The following LHCGR variants were observed in gnomAD, a reference collection of about 807,000 sequenced individuals.
LHCGR encodes lutropin-choriogonadotropic hormone receptor.
LHCGR carries 55 observed loss-of-function variants against 60.7 expected under a neutral mutation model. That is an observed-to-expected ratio of 0.91 (90% confidence interval 0.73 to 1.13). LHCGR has a LOEUF of 1.13. LHCGR is among the 50% of genes most tolerant of loss of function. LHCGR has a pLI of 0.00. For missense variants in LHCGR, 862 were observed against 836.0 expected, an observed-to-expected ratio of 1.03 and a Z score of -0.38; for synonymous variants, 337 against 316.5, an observed-to-expected ratio of 1.06 and a Z score of -0.69.
At chr2:48,743,684 G>A (rs1310460205) in intron 1 of LHCGR, among the ~76,000 whole-genome samples, 132 of 152,108 alleles carry the variant, frequency 8.7e-4, no homozygotes, top group African/African-American at 3.1e-3. Flanking sequence ...GGTATTGATG[G>A]GACGTATCTC....
intron 1 of LHCGR, among the ~76,000 whole-genome samples, chr2:48,742,918 A>G (rs1262207088): frequency 6.6e-6 from 1 of 152,206 alleles, no homozygotes; most frequent in African/African-American, 2.4e-5. Context: ...GTTTTTTGAA[A>G]GGATCAACAA....
At chr2:48,750,316 G>A (rs758286861) in intron 1 of LHCGR, among the ~76,000 whole-genome samples, 11 of 152,144 alleles carry the variant, frequency 7.2e-5, no homozygotes, top group Admixed American at 3.3e-4. Flanking sequence ...CTTTCAGTTT[G>A]TTTTTATTAA....
At chr2:48,714,549 A>G (rs1310259779) in intron 6 of LHCGR, among the ~76,000 whole-genome samples, 1 of 152,018 alleles carries the variant, frequency 6.6e-6, no homozygotes, top group Non-Finnish European at 1.5e-5. Context: ...TCCACAACCA[A>G]GAAGATTTCA....
intron 1 of LHCGR, among the ~76,000 whole-genome samples, chr2:48,742,717 C>T (rs1669516423): frequency 6.6e-6 from 1 of 152,038 alleles, no homozygotes; most frequent in Non-Finnish European, 1.5e-5. Flanking sequence ...ATTTTTAGCA[C>T]TAAATGCCCA....
At chr2:48,727,621 T>C (rs1171686586) in intron 3 of LHCGR, among the ~76,000 whole-genome samples, 1 of 152,230 alleles carries the variant, frequency 6.6e-6, no homozygotes, top group African/African-American at 2.4e-5. Context: ...TTTCCAGGTC[T>C]GGGATAGGAC....
At chr2:48,709,443 T>C (rs969222108) in intron 7 of LHCGR, among the ~76,000 whole-genome samples, 1 of 152,194 alleles carries the variant, frequency 6.6e-6, no homozygotes, top group African/African-American at 2.4e-5. Flanking sequence ...AGTGTGCTAA[T>C]AGTAATTTAT....
intron 6 of LHCGR, among the ~76,000 whole-genome samples, chr2:48,719,045 G>A (rs972468948): frequency 1.3e-5 from 2 of 152,204 alleles, no homozygotes; most frequent in South Asian, 2.1e-4. Context: ...ATTCTAGGCC[G>A]GGCATGGTGG....
intron 1 of LHCGR, among the ~76,000 whole-genome samples, chr2:48,738,575 T>C (rs1413999744): frequency 6.6e-6 from 1 of 152,168 alleles, no homozygotes; most frequent in Non-Finnish European, 1.5e-5. Flanking sequence ...CATTCAAGGC[T>C]CAATCTTTAT....
At chr2:48,748,805 C>T (rs1319056022) in intron 1 of LHCGR, among the ~76,000 whole-genome samples, 1 of 152,144 alleles carries the variant, frequency 6.6e-6, no homozygotes, top group Non-Finnish European at 1.5e-5. Context: ...ATCATCATGT[C>T]CCTTTTACAG....
At chr2:48,747,153 G>C (rs1325288670) in intron 1 of LHCGR, among the ~76,000 whole-genome samples, 3 of 151,644 alleles carry the variant, frequency 2.0e-5, no homozygotes, top group Non-Finnish European at 4.4e-5. Context: ...GCAGTGGTGC[G>C]ATCTCGGTTC....
intron 1 of LHCGR, among the ~76,000 whole-genome samples, chr2:48,732,109 G>A (rs1333862484): frequency 1.3e-5 from 2 of 152,182 alleles, no homozygotes; most frequent in Non-Finnish European, 2.9e-5. Flanking sequence ...TGCAAAACCA[G>A]TATAGGATGA....
At chr2:48,708,533 T>G (rs1667810588) in intron 8 of LHCGR, among the ~76,000 whole-genome samples, 1 of 126,610 alleles carries the variant, frequency 7.9e-6, no homozygotes, top group Non-Finnish European at 1.6e-5. Context: ...AAAGGGGCAA[T>G]TTGGAGATAC....
chr2:48,692,805 G>A (rs1353408799), intron 10 of LHCGR, among the ~76,000 whole-genome samples: 1 of 152,172 alleles, frequency 6.6e-6, no homozygotes, highest in South Asian at 2.1e-4. Flanking sequence ...GCTATCTGGT[G>A]GGAAGTAGGA....
At chr2:48,705,954 T>C (rs1667644987) in intron 8 of LHCGR, among the ~76,000 whole-genome samples, 2 of 152,210 alleles carry the variant, frequency 1.3e-5, no homozygotes, top group Non-Finnish European at 2.9e-5. Context: ...AGCTGGTTAT[T>C]TTGCCTGTTA....
chr2:48,745,892 G>T (rs1456400702), intron 1 of LHCGR, among the ~76,000 whole-genome samples: 1 of 151,370 alleles, frequency 6.6e-6, no homozygotes, highest in African/African-American at 2.4e-5. Flanking sequence ...AAAAAAAAAG[G>T]TCCGTCTCAG....
At chr2:48,735,034 T>C (rs893269146) in intron 1 of LHCGR, among the ~76,000 whole-genome samples, 4 of 152,280 alleles carry the variant, frequency 2.6e-5, no homozygotes, top group Admixed American at 6.5e-5. Context: ...TTTGAACTTT[T>C]GTTTTTAAAT....
chr2:48,709,700 G>C (rs536218214), intron 7 of LHCGR, among the ~76,000 whole-genome samples: 4 of 151,964 alleles, frequency 2.6e-5, no homozygotes, highest in Admixed American at 2.6e-4. Flanking sequence ...GCCAAAAGCT[G>C]TTATGGAAGT....
At chr2:48,704,526 T>C (rs1667568488) in intron 8 of LHCGR, among the ~76,000 whole-genome samples, 1 of 152,220 alleles carries the variant, frequency 6.6e-6, no homozygotes, top group East Asian at 1.9e-4. Flanking sequence ...TCCTGGACTC[T>C]TTTTGGTTGG....
chr2:48,695,971 A>T (rs1314045024), intron 9 of LHCGR, among the ~76,000 whole-genome samples: 1 of 152,164 alleles, frequency 6.6e-6, no homozygotes, highest in Non-Finnish European at 1.5e-5. Flanking sequence ...ATACTCATGT[A>T]ACAAACTGGT....
Sources: allele counts gnomAD v4.1 joint callset (sites outside exome capture counted in the v4.1 genomes callset), GRCh38; gene constraint gnomAD v4.1.1; transcripts MANE v1.5; gene names NCBI Gene and HGNC (gene_info 2026-07-23, HGNC 2026-07-21).